Variants in ANK3 observed in about 807,000 individuals in gnomAD.
ANK3 encodes the protein ankyrin-3.
In ANK3, 57 loss-of-function variants were observed where a neutral mutation model predicts 370.9. The observed-to-expected ratio is 0.15, with a 90% CI of 0.12 to 0.19. The LOEUF is 0.19. Among genes scored for constraint, ANK3 ranks in the 10% least tolerant of loss-of-function variants. ANK3 has a pLI of 1.00. For missense variants in ANK3, 4,439 were observed against 5,302.1 expected (o/e 0.84, Z 5.06); for synonymous variants, 1,929 against 1,946.3 (o/e 0.99, Z 0.23).
chr10:60,662,211 T>C (rs1421345798), intron 1 of ANK3, among the ~76,000 whole-genome samples: 1 of 152,116 alleles, frequency 6.6e-6, no homozygotes, highest in East Asian at 1.9e-4. Context: ...CCAATTACAA[T>C]TGTGGGATTG....
intron 43 of ANK3, among the ~76,000 whole-genome samples, chr10:60,040,050 A>C (rs2075818035): frequency 6.6e-6 from 1 of 152,232 alleles, no homozygotes; most frequent in African/African-American, 2.4e-5. Context: ...GGAAGGATTA[A>C]ATAAGACAAA....
In ANK3 at chr10:60,074,397, T is replaced by A. The variant is rs769729059; in HGVS notation, c.6484A>T (p.Ile2162Phe). The A allele has an allele frequency of 1.2e-5, 20 of 1,614,068 alleles. 1 individual carries two copies. The South Asian group carries it at 2.2e-4, about 18-fold the overall frequency. Residue 2162 changes from isoleucine (I) to phenylalanine (F), a missense_variant, in exon 37 of 44, where the codon ATT becomes TTT. This residue lies in a region of ANK3 where 1,601 missense variants were observed against 1,731.7 expected (regional missense o/e 0.92). Transcript: ENST00000280772. ...ACCACTTCAGTTCTTGTTTCTGTAA[T>A]GACAGGAGGGATGGGAACTTCATGA... The part of the protein sequence containing the change: ...LFHEVPIPPV[I>F]TETRTEVVHV...
At chr10:60,091,084 T>C (rs554337753) in intron 28 of ANK3, among the ~76,000 whole-genome samples, 17 of 152,318 alleles carry the variant, frequency 1.1e-4, no homozygotes, top group Non-Finnish European at 2.2e-4. Flanking sequence ...TTTGTATTTT[T>C]AGTAGAGACA....
At chr10:60,424,589 C>A (rs1235542187) in intron 2 of ANK3, among the ~76,000 whole-genome samples, 1 of 152,020 alleles carries the variant, frequency 6.6e-6, no homozygotes, top group Non-Finnish European at 1.5e-5. Context: ...CCTTGAGAAC[C>A]TTACAATTCC....
chr10:60,062,922 G>C, intron 40 of ANK3, 189 bp downstream of exon 40: 1 of 531,098 alleles, frequency 1.9e-6, no homozygotes, highest in Non-Finnish European at 3.3e-6. Flanking sequence ...TATTTATATT[G>C]TATATAAACA....
In ANK3 at chr10:60,590,707, C is replaced by G. The variant is rs75989863; in HGVS notation, c.96+24479G>C. ...GGGAAATCTGCAGATACTCAAGTCCCTTCTACAAAACAGCATAGTATTCGC... is the reference window on the plus strand; with the variant it reads ...GGGAAATCTGCAGATACTCAAGTCCGTTCTACAAAACAGCATAGTATTCGC... On this transcript the variant is annotated intron_variant, in intron 2 of 43. Transcript: ENST00000373827. Among the ~76,000 whole-genome samples, 1,390 of 152,292 alleles carry G rather than the reference C, an allele frequency of 9.1e-3. 11 individuals are homozygous for G. The highest frequency in any genetic ancestry group is 0.014 in the Non-Finnish European group (925 of 68,030).
chr10:60,363,175 C>CT (rs1159710731), intron 1 of ANK3, among the ~76,000 whole-genome samples: 3 of 152,038 alleles, frequency 2.0e-5, no homozygotes, highest in Non-Finnish European at 4.4e-5. Flanking sequence ...AAGGCATCTG[C>CT]TTTTTTTGAT....
intron 8 of ANK3, among the ~76,000 whole-genome samples, chr10:60,222,696 A>T (rs2097081595): frequency 1.3e-5 from 2 of 152,236 alleles, no homozygotes; most frequent in Admixed American, 6.5e-5. Flanking sequence ...ACTTGGTCCA[A>T]CTTGGCCTTT....
At chr10:60,613,450 G>A (rs914982645) in intron 2 of ANK3, among the ~76,000 whole-genome samples, 3 of 152,130 alleles carry the variant, frequency 2.0e-5, no homozygotes, top group South Asian at 2.1e-4. Context: ...GATTAAGATA[G>A]TTTTACTTTT....
At chr10:60,052,941 G>A (rs2078379815) in intron 42 of ANK3, among the ~76,000 whole-genome samples, 1 of 151,970 alleles carries the variant, frequency 6.6e-6, no homozygotes. Context: ...TTCATCAACA[G>A]TAAACTTGAC....
At chr10:60,616,557 A>G (rs1238414412) in intron 1 of ANK3, among the ~76,000 whole-genome samples, 2 of 152,244 alleles carry the variant, frequency 1.3e-5, no homozygotes, top group East Asian at 3.9e-4. Flanking sequence ...GTTGCATCCT[A>G]ATCTACCTAT....
At position 60,075,205 on chromosome 10, in the gene ANK3, T is replaced by C. The variant is rs779550624; in HGVS notation, c.5676A>G (p.Pro1892=). The change falls in exon 37 of 44, where the codon CCA becomes CCG. Residue 1892 remains proline, a synonymous_variant. Coordinates refer to ENST00000280772, the MANE Select transcript of ANK3 (RefSeq NM_020987.5). ...TCTCCTGACTGGAAGATAAAGAAGA[T>C]GGTGTAGACAACTTAAGGGCAGAGG... ...LAPSALKLST[P]SSLSSSQEIL... 5 of 1,614,052 alleles carry C rather than the reference T, an allele frequency of 3.1e-6. No individual in the cohort carries two copies. Among genetic ancestry groups the C allele is most frequent in the Admixed American group, 3.3e-5 (2 of 59,996 alleles).
In ANK3 at chr10:60,088,270, C is replaced by T. The variant is rs2132027293; in HGVS notation, c.3417G>A (p.Arg1139=). 6.2e-7 allele frequency: 1 copy of T among 1,614,184 alleles called. No individual in the cohort carries two copies. ...CAATCTGGTTGCTTTCCTGCTTAAT[C>T]CGGGAAACCACTGCAAAATACTGGG... ...DFPQYFAVVS[R]IKQESNQIGP... The change falls in exon 29 of 44, where the codon CGG becomes CGA. Residue 1139 remains arginine, a synonymous_variant. Transcript: ENST00000280772.
intron 10 of ANK3, among the ~76,000 whole-genome samples, chr10:60,207,733 G>GTT (rs780496753): frequency 1.3e-5 from 2 of 152,168 alleles, no homozygotes; most frequent in African/African-American, 2.4e-5. Flanking sequence ...AGAATTATAA[G>GTT]TTTATCCACA....
At chr10:60,122,576 A>T (rs2096634205) in intron 25 of ANK3, among the ~76,000 whole-genome samples, 1 of 152,212 alleles carries the variant, frequency 6.6e-6, no homozygotes, top group South Asian at 2.1e-4. Flanking sequence ...TCATTAGCAG[A>T]TTACTCAACT....
chr10:60,590,999 T>C (rs1409372366), intron 2 of ANK3, among the ~76,000 whole-genome samples: 1 of 152,182 alleles, frequency 6.6e-6, no homozygotes, highest in Admixed American at 6.5e-5. Flanking sequence ...ATAAAGGTGC[T>C]GAAAACTAGC....
chr10:60,076,401 A>C lies in ANK3; in HGVS notation c.4480T>G (p.Tyr1494Asp). The C allele has an allele frequency of 3.7e-6, 6 of 1,613,614 alleles. No individual in the cohort carries two copies. The highest frequency in any genetic ancestry group is 5.1e-6 in the Non-Finnish European group (6 of 1,179,810). The change falls in exon 37 of 44, where the codon TAC (tyrosine) becomes GAC (aspartate). Residue 1494 changes from tyrosine to aspartate, a missense_variant. Transcript: ENST00000280772. ...ATRSLPTTYS[Y>D]KPFFSTRPYQ... ...GGTCTTGTAGAAAAGAATGGCTTGT[A>C]TGAGTAAGTGGTGGGGAGGGATCTT...
chr10:60,104,466 A>G (rs942029920), intron 28 of ANK3, among the ~76,000 whole-genome samples: 1 of 151,718 alleles, frequency 6.6e-6, no homozygotes, highest in Non-Finnish European at 1.5e-5. Flanking sequence ...CTTACTACTC[A>G]GTGGAATAAC....
Position 60,266,640 on chromosome 10 carries a change from C to T in ANK3, c.514-2620G>A, listed in dbSNP as rs913398689. On this transcript the variant is annotated intron_variant, in intron 5 of 43. Transcript: ENST00000280772. ...ACCAGAAAATAAACTGCAACTGAGC[C>T]GATTAGCAGTGACAAGAATATGTTT... 2.0e-5 allele frequency among the ~76,000 whole-genome samples: 3 copies of T among 152,246 alleles called. 1 individual carries two copies. Among genetic ancestry groups the T allele is most frequent in the African/African-American group, 2.4e-5 (1 of 41,550 alleles).
Sources: allele counts gnomAD v4.1 joint callset (sites outside exome capture counted in the v4.1 genomes callset), GRCh38; gene constraint gnomAD v4.1.1; regional missense constraint gnomAD v4.1.1; transcripts MANE v1.5; gene names NCBI Gene and HGNC (gene_info 2026-07-23, HGNC 2026-07-21).